ADCY10: variants seen among roughly 807,000 people sequenced by gnomAD.
ADCY10 encodes adenylate cyclase type 10.
ADCY10 carries 156 observed loss-of-function variants against 183.3 expected under a neutral mutation model. The observed-to-expected ratio is 0.85, with a 90% CI of 0.75 to 0.97. The LOEUF is 0.97. Ranked by LOEUF, ADCY10 falls within the 50% of genes least tolerant of loss-of-function variation. The pLI, the probability that ADCY10 is intolerant of heterozygous loss-of-function variation, is 0.00. For missense variants in ADCY10, 1,745 were observed against 1,934.3 expected (o/e 0.90, Z 1.84); for synonymous variants, 645 against 670.0 (o/e 0.96, Z 0.58).
chr1:167,894,542 T>C (rs577298200), intron 7 of ADCY10, among the ~76,000 whole-genome samples: 2 of 152,196 alleles, frequency 1.3e-5, no homozygotes, highest in South Asian at 2.1e-4. Flanking sequence ...GGAATGAGTT[T>C]GAGGGAGTCA....
rs766231445 is a variant in ADCY10 at position 167,846,130 on chromosome 1, C to T, written c.2571G>A (p.Met857Ile). 1.2e-6 allele frequency: 2 copies of T among 1,614,004 alleles called. No individual in the cohort carries two copies. Among genetic ancestry groups the T allele is most frequent in the African/African-American group, 2.7e-5 (2 of 74,900 alleles). ...EILPCWNMKM[M>I]IKTLATLVES... ...CCACTAGGGTTGCCAGGGTCTTGAT[C>T]ATCATCTTCATATTCCAACAGGGGA... The change falls in exon 20 of 33, where the codon ATG becomes ATA. Residue 857 changes from methionine (M) to isoleucine (I), a missense_variant. By Grantham distance (10) the Met-to-Ile change is conservative. Transcript: ENST00000367851.
rs558611577 is a variant in ADCY10, at chr1:167,893,558, C to T, written c.828+295G>A. Among the ~76,000 whole-genome samples the T allele has an allele frequency of 8.7e-4, 132 of 151,858 alleles. No homozygotes were observed. The Middle Eastern group carries it at 0.017, about 20-fold the overall frequency. ...TGAAGCTCCATCTCTACTAAAAATACAAAAAGTTAGCTGGGTGTGGTGGCG... is the reference window on the plus strand; with the variant it reads ...TGAAGCTCCATCTCTACTAAAAATATAAAAAGTTAGCTGGGTGTGGTGGCG... On this transcript the variant is annotated intron_variant, in intron 8 of 32. Transcript: ENST00000367851.
chr1:167,815,041 C>G (rs1337100923), intron 31 of ADCY10, among the ~76,000 whole-genome samples: 1 of 152,130 alleles, frequency 6.6e-6, no homozygotes, highest in Non-Finnish European at 1.5e-5. Context: ...ACGAGAATCA[C>G]TTGAACCTAG....
intron 24 of ADCY10, 40 bp from the exon 25 acceptor site, chr1:167,833,202 C>T (rs759921372): frequency 1.2e-5 from 19 of 1,586,004 alleles, no homozygotes; most frequent in African/African-American, 2.7e-5. Flanking sequence ...AAGAGGAAAA[C>T]GATGATTCTA....
intron 14 of ADCY10, among the ~76,000 whole-genome samples, chr1:167,868,980 C>T (rs1340558239): frequency 6.6e-6 from 1 of 152,142 alleles, no homozygotes; most frequent in African/African-American, 2.4e-5. Flanking sequence ...GATTGGCTCT[C>T]GACTACTTCT....
intron 25 of ADCY10, among the ~76,000 whole-genome samples, chr1:167,830,258 C>A (rs1663615251): frequency 6.6e-6 from 1 of 151,862 alleles, no homozygotes; most frequent in African/African-American, 2.4e-5. Flanking sequence ...CCTTTAAATA[C>A]TGCAGTCTCA....
At chr1:167,823,145 G>T in intron 28 of ADCY10, 22 bp from the exon 29 acceptor site, 1 of 1,604,472 alleles carries the variant, frequency 6.2e-7, no homozygotes, top group Non-Finnish European at 8.5e-7. Context: ...AAAAGGTAGT[G>T]GCCATTAAAA....
chr1:167,875,015 G>A, intron 13 of ADCY10, 116 bp downstream of exon 13: 1 of 904,318 alleles, frequency 1.1e-6, no homozygotes, highest in South Asian at 1.4e-5. Context: ...CCTGGATGAT[G>A]ATTATATTTT....
rs745455949 is a variant in ADCY10, at chr1:167,818,065, G to A, written c.4482+7C>T. ...TTTTATACTGGAAACTGGAGAATAG[G>A]CCTCACCTTGAGTAGCTCCTCCCCA... is the stretch of plus-strand genomic sequence containing the variant. On this transcript the variant is annotated splice_region_variant and intron_variant, in intron 31 of 32. Coordinates refer to ENST00000367851, the MANE Select transcript of ADCY10 (RefSeq NM_018417.6). 1.2e-6 allele frequency: 2 copies of A among 1,613,732 alleles called. No individual in the cohort carries two copies. The highest frequency in any genetic ancestry group is 4.5e-5 in the East Asian group (2 of 44,884).
intron 31 of ADCY10, among the ~76,000 whole-genome samples, chr1:167,813,276 A>G (rs1472165243): frequency 6.6e-6 from 1 of 152,172 alleles, no homozygotes; most frequent in Admixed American, 6.5e-5. Flanking sequence ...CACATACAAG[A>G]CATCTTCAAT....
intron 12 of ADCY10, among the ~76,000 whole-genome samples, chr1:167,877,861 C>G (rs753926242): frequency 6.6e-6 from 1 of 152,088 alleles, no homozygotes; most frequent in African/African-American, 2.4e-5. Context: ...GGACAATCTA[C>G]TTAAACAACC....
Position 167,901,717 on chromosome 1 carries a change from A to G in ADCY10, c.381T>C (p.His127=), listed in dbSNP as rs766165858. The G allele has an allele frequency of 1.2e-6, 2 of 1,614,188 alleles. No individual in the cohort carries two copies. Among genetic ancestry groups the G allele is most frequent in the Admixed American group, 1.7e-5 (1 of 60,018 alleles). The change falls in exon 5 of 33, where the codon CAT becomes CAC. Residue 127 remains histidine (H), a synonymous_variant. Transcript: ENST00000367851. ...TVVIKCSLEI[H]GLFETQEWEE... ...CCCACTCCTGGGTCTCAAACAATCC[A>G]TGGATCTCCAGGCTACATTTAATTA...
At chr1:167,873,883 A>G (rs1396666586) in intron 13 of ADCY10, among the ~76,000 whole-genome samples, 1 of 152,236 alleles carries the variant, frequency 6.6e-6, no homozygotes, top group African/African-American at 2.4e-5. Flanking sequence ...TTAAATGCAT[A>G]ATTGAGAGTA....
At chr1:167,908,057 C>G (rs912462054) in intron 1 of ADCY10, among the ~76,000 whole-genome samples, 3 of 152,198 alleles carry the variant, frequency 2.0e-5, no homozygotes, top group Admixed American at 6.5e-5. Context: ...AATCCCACAT[C>G]TGGGTATATA....
intron 13 of ADCY10, 100 bp from the exon 14 acceptor site, chr1:167,870,510 G>T: frequency 1.8e-6 from 2 of 1,110,916 alleles, no homozygotes; most frequent in Non-Finnish European, 2.6e-6. Flanking sequence ...AAATATCCTT[G>T]GGCCAGGCGC....
Position 167,856,723 on chromosome 1 carries a change from C to T in ADCY10, c.1897-284G>A, listed in dbSNP as rs367597295. ...GAGAATAGATGGAGTTTTAGGGGTA[C>T]CCACAAAAGCTAACTGAAGTGCCCA... On this transcript the variant is annotated intron_variant, in intron 16 of 32. Transcript: ENST00000367851. Among the ~76,000 whole-genome samples, 23 of 152,234 alleles carry T rather than the reference C, an allele frequency of 1.5e-4. No individual in the cohort carries two copies. The East Asian group carries it at 3.9e-3, about 26-fold the overall frequency.
intron 21 of ADCY10, among the ~76,000 whole-genome samples, chr1:167,839,505 A>G (rs1295030560): frequency 6.6e-6 from 1 of 152,226 alleles, no homozygotes; most frequent in African/African-American, 2.4e-5. Context: ...AATACAATAC[A>G]TTTAATAATA....
chr1:167,859,512 G>A (rs1361902680), intron 16 of ADCY10, among the ~76,000 whole-genome samples: 2 of 152,166 alleles, frequency 1.3e-5, no homozygotes, highest in African/African-American at 2.4e-5. Context: ...GACAGAGCCT[G>A]CATATGTAAC....
chr1:167,899,059 G>A (rs984794679), intron 6 of ADCY10, among the ~76,000 whole-genome samples: 3 of 152,106 alleles, frequency 2.0e-5, no homozygotes, highest in African/African-American at 7.2e-5. Context: ...GGAGGGTGTT[G>A]GGTAAAGAAA....
Sources: gnomAD v4.1 joint callset for allele counts (sites outside exome capture counted in the v4.1 genomes callset) on GRCh38, gnomAD v4.1.1 for gene constraint, MANE v1.5 for transcripts, NCBI Gene and HGNC (gene_info 2026-07-23, HGNC 2026-07-21) for gene names.